Variants in SEMA6D observed in about 807,000 individuals in gnomAD.
The protein encoded by SEMA6D is semaphorin 6D.
SEMA6D carries 35 observed loss-of-function variants against 106.6 expected under a neutral mutation model. The ratio of observed to expected loss-of-function variants is 0.33; its 90% CI spans 0.25 to 0.44. SEMA6D has a LOEUF of 0.44. SEMA6D is among the 20% of genes least tolerant of loss of function. The probability of loss-of-function intolerance (pLI) is 1.00; values close to 1 mark genes in which losing one functional copy is unlikely to be tolerated. For missense variants in SEMA6D, 1,185 were observed against 1,345.9 expected (o/e 0.88, Z 1.87); for synonymous variants, 499 against 487.7 (o/e 1.02, Z -0.31).
intron 1 of SEMA6D, among the ~76,000 whole-genome samples, chr15:47,217,692 C>T (rs1209271385): frequency 6.6e-6 from 1 of 151,250 alleles, no homozygotes; most frequent in Non-Finnish European, 1.5e-5. Flanking sequence ...TCATTTTACA[C>T]CTTCCTATAC....
chr15:47,715,594 T>C (rs974459055), upstream of SEMA6D, among the ~76,000 whole-genome samples: 1 of 152,176 alleles, frequency 6.6e-6, no homozygotes, highest in African/African-American at 2.4e-5. Flanking sequence ...ACTGATAATG[T>C]AGACTGAAAA....
At chr15:47,624,104 G>T (rs1254541029) in intron 4 of SEMA6D, among the ~76,000 whole-genome samples, 1 of 152,132 alleles carries the variant, frequency 6.6e-6, no homozygotes. Context: ...GGAGAAATAT[G>T]ATCTGTCCTC....
At chr15:47,312,054 G>C (rs1237173412) in intron 1 of SEMA6D, among the ~76,000 whole-genome samples, 9 of 152,122 alleles carry the variant, frequency 5.9e-5, no homozygotes, top group Admixed American at 5.9e-4. Context: ...AGCTCTGACT[G>C]TGATGTTGGC....
intron 4 of SEMA6D, among the ~76,000 whole-genome samples, chr15:47,638,114 CA>C (rs11429221): frequency 7.3e-5 from 11 of 150,934 alleles, no homozygotes; most frequent in Admixed American, 4.0e-4. Context: ...GTATCTTAGA[CA>C]AAAAAAAACC....
chr15:47,738,750 A>C (rs1182779707), intron 1 of SEMA6D, among the ~76,000 whole-genome samples: 1 of 152,194 alleles, frequency 6.6e-6, no homozygotes, highest in African/African-American at 2.4e-5. Context: ...GCTTAAAACT[A>C]CCACGATCAT....
In SEMA6D at chr15:47,771,570, A is replaced by C; in HGVS notation, c.3007A>C (p.Thr1003Pro). ...PSMNRGGYMP[T>P]PTGAKVDYIQ... ...TATGAACCGTGGAGGATATATGCCCACCCCCACTGGGGCGAAGGTGGACTA... is the reference window on the plus strand; with the variant it reads ...TATGAACCGTGGAGGATATATGCCCCCCCCCACTGGGGCGAAGGTGGACTA... Residue 1003 changes from threonine to proline, a missense_variant, in exon 19 of 19, where the codon ACC becomes CCC. Coordinates refer to ENST00000536845, the MANE Select transcript of SEMA6D (RefSeq NM_001358351.3). 1 of 1,613,968 alleles carries C rather than the reference A, an allele frequency of 6.2e-7. No homozygotes were observed. Among genetic ancestry groups the C allele is most frequent in the South Asian group, 1.1e-5 (1 of 91,076 alleles).
At chr15:47,398,184 G>A (rs541772072) in intron 1 of SEMA6D, among the ~76,000 whole-genome samples, 3 of 152,174 alleles carry the variant, frequency 2.0e-5, no homozygotes, top group African/African-American at 7.2e-5. Flanking sequence ...CAGAACTCAG[G>A]AAGTGTTCTC....
chr15:47,733,587 C>T (rs1005021653), intron 1 of SEMA6D, among the ~76,000 whole-genome samples: 4 of 152,138 alleles, frequency 2.6e-5, no homozygotes, highest in African/African-American at 9.7e-5. Context: ...TTTTCCTTCC[C>T]AACTGTGCAT....
intron 1 of SEMA6D, among the ~76,000 whole-genome samples, chr15:47,358,460 T>C (rs1166669534): frequency 6.6e-6 from 1 of 152,242 alleles, no homozygotes; most frequent in East Asian, 1.9e-4. Flanking sequence ...AATTGCTTCC[T>C]AATGAAGATC....
chr15:47,505,240 T>G (rs1040813779), intron 3 of SEMA6D, among the ~76,000 whole-genome samples: 2 of 152,182 alleles, frequency 1.3e-5, no homozygotes, highest in Non-Finnish European at 2.9e-5. Context: ...GCTCTCTCCT[T>G]GCAGCTCTGC....
chr15:47,672,310 T>C (rs941478223), intron 4 of SEMA6D, among the ~76,000 whole-genome samples: 1 of 152,186 alleles, frequency 6.6e-6, no homozygotes, highest in Non-Finnish European at 1.5e-5. Flanking sequence ...GAGAAATGGC[T>C]TTCCTGATCA....
At chr15:47,192,068 G>A (rs900318510) in intron 1 of SEMA6D, among the ~76,000 whole-genome samples, 1 of 152,166 alleles carries the variant, frequency 6.6e-6, no homozygotes, top group Non-Finnish European at 1.5e-5. Flanking sequence ...GTGTCATTTC[G>A]TACTCATTAA....
intron 2 of SEMA6D, among the ~76,000 whole-genome samples, chr15:47,415,154 A>T (rs1177953347): frequency 6.6e-6 from 1 of 152,204 alleles, no homozygotes; most frequent in Non-Finnish European, 1.5e-5. Context: ...TTTACATTGA[A>T]TGAAGGCTTA....
intron 1 of SEMA6D, among the ~76,000 whole-genome samples, chr15:47,363,460 A>G (rs2038888708): frequency 6.6e-6 from 1 of 152,182 alleles, no homozygotes; most frequent in Non-Finnish European, 1.5e-5. Context: ...GGTAATATTA[A>G]TCTTTAGAGA....
At chr15:47,669,928 T>C (rs1439421332) in intron 4 of SEMA6D, among the ~76,000 whole-genome samples, 1 of 152,226 alleles carries the variant, frequency 6.6e-6, no homozygotes, top group East Asian at 1.9e-4. Context: ...GAGGTTTTGA[T>C]AACTTTTGTC....
chr15:47,690,483 A>G (rs1265522623), intron 4 of SEMA6D, among the ~76,000 whole-genome samples: 1 of 152,190 alleles, frequency 6.6e-6, no homozygotes, highest in Non-Finnish European at 1.5e-5. Flanking sequence ...TGCATTTACA[A>G]ATGAGGGGTC....
intron 4 of SEMA6D, among the ~76,000 whole-genome samples, chr15:47,690,961 A>C (rs964235212): frequency 6.6e-6 from 1 of 152,150 alleles, no homozygotes; most frequent in East Asian, 1.9e-4. Context: ...ACTGTTCCTC[A>C]TGACCATCAT....
intron 3 of SEMA6D, among the ~76,000 whole-genome samples, chr15:47,547,298 A>G (rs775347407): frequency 1.3e-5 from 2 of 152,116 alleles, no homozygotes; most frequent in African/African-American, 2.4e-5. Context: ...TTTCCCGGAA[A>G]CGGTAGCAAC....
chr15:47,765,600 T>C, intron 13 of SEMA6D: 1 of 545,676 alleles, frequency 1.8e-6, no homozygotes. Flanking sequence ...TTTTTATTTC[T>C]ATAGTCAAAT....
Sources: allele counts gnomAD v4.1 joint callset (sites outside exome capture counted in the v4.1 genomes callset), GRCh38; gene constraint gnomAD v4.1.1; transcripts MANE v1.5; gene names NCBI Gene and HGNC (gene_info 2026-07-23, HGNC 2026-07-21).